Variants in TLR7 observed in about 807,000 individuals in gnomAD.
TLR7 encodes toll-like receptor 7.
A neutral mutation model predicts 38.3 loss-of-function variants in TLR7; 12 were observed. The observed-to-expected ratio is 0.31, with a 90% CI of 0.20 to 0.51. The LOEUF (loss-of-function observed/expected upper bound fraction) is 0.51. TLR7 is among the 20% of genes least tolerant of loss of function. The probability of loss-of-function intolerance (pLI) is 0.98; values close to 1 mark genes in which losing one functional copy is unlikely to be tolerated. For synonymous variants in TLR7, 285 were observed against 293.8 expected, an observed-to-expected ratio of 0.97 and a Z score of 0.31; for missense variants, 504 against 743.4, an observed-to-expected ratio of 0.68 and a Z score of 3.74.
chrX:12,872,521 G>A, intron 2 of TLR7, among the ~76,000 whole-genome samples: 1 of 109,887 alleles, frequency 9.1e-6, no homozygotes, highest in Middle Eastern at 4.6e-3. Flanking sequence ...GGACTCCAAA[G>A]CAAGTGGGTG....
At chrX:12,881,458 C>T in intron 2 of TLR7, among the ~76,000 whole-genome samples, 1 of 104,220 alleles carries the variant, frequency 9.6e-6, no homozygotes, top group Admixed American at 1.0e-4. Flanking sequence ...ATGAGTTATT[C>T]TTTTTAATAA....
At chrX:12,880,586 TG>T (rs1189379515) in intron 2 of TLR7, among the ~76,000 whole-genome samples, 3 of 111,644 alleles carry the variant, frequency 2.7e-5, no homozygotes, top group African/African-American at 9.7e-5. Flanking sequence ...CTGCTTAGTC[TG>T]GGGGTATAGA....
At chrX:12,883,968 A>G (rs1191043905) in intron 2 of TLR7, among the ~76,000 whole-genome samples, 6 of 111,239 alleles carry the variant, frequency 5.4e-5, no homozygotes, top group African/African-American at 2.0e-4. Flanking sequence ...AGAGGAATTA[A>G]GGGAAGTAGG....
intron 2 of TLR7, 40 bp downstream of exon 2, chrX:12,867,621 A>C (rs765562515): frequency 1.4e-5 from 17 of 1,177,510 alleles, no homozygotes; most frequent in Middle Eastern, 2.3e-4. Context: ...TGTTATCTGT[A>C]ATCTTTGTGG....
intron 2 of TLR7, among the ~76,000 whole-genome samples, chrX:12,871,159 T>G (rs775687866): frequency 8.9e-6 from 1 of 112,272 alleles, no homozygotes; most frequent in Admixed American, 9.4e-5. Context: ...ACCTTGTACT[T>G]AAACGTTTTG....
chrX:12,887,404 T>A lies in TLR7; in HGVS notation c.1896T>A (p.Asp632Glu), dbSNP rs746023304. 2.5e-6 allele frequency: 3 copies of A among 1,209,991 alleles called. No individual in the cohort carries two copies. Among genetic ancestry groups the A allele is most frequent in the African/African-American group, 1.7e-5 (1 of 57,822 alleles). Residue 632 changes from aspartate to glutamate, a missense_variant, in exon 3 of 3, where the codon GAT (aspartate) becomes GAA (glutamate). Physicochemically the swap from Asp to Glu is conservative, Grantham distance 45. Transcript: ENST00000380659. ...TGGAATTCAGAGGAAATCACTTAGA[T>A]GTTTTATGGAGAGAAGGTGATAACA... ...RTLEFRGNHL[D>E]VLWREGDNRY...
At chrX:12,870,653 T>C (rs1445784600) in intron 2 of TLR7, among the ~76,000 whole-genome samples, 1 of 111,809 alleles carries the variant, frequency 8.9e-6, no homozygotes, top group Non-Finnish European at 1.9e-5. Flanking sequence ...GCTCATGAGC[T>C]AAGGGGTTTT....
chrX:12,873,607 CAA>C (rs2042860687), intron 2 of TLR7, among the ~76,000 whole-genome samples: 1 of 111,628 alleles, frequency 9.0e-6, no homozygotes, highest in Admixed American at 9.5e-5. Context: ...GATAAAAAGT[CAA>C]AGAGTAGAGA....
At position 12,887,932 on chromosome X, in the gene TLR7, G is replaced by A. The variant is rs1180266079; in HGVS notation, c.2424G>A (p.Leu808=). Reference sequence around the variant, plus strand: ...ATACGGAGGTGACTATTCCTTACCTGGCCACAGATGTGACTTGTGTGGGGC... The same window carrying A: ...ATACGGAGGTGACTATTCCTTACCTAGCCACAGATGTGACTTGTGTGGGGC... The part of the protein sequence containing the change: ...VNHTEVTIPY[L]ATDVTCVGPG... The change falls in exon 3 of 3, where the codon CTG becomes CTA. Residue 808 remains leucine (L), a synonymous_variant. Transcript: ENST00000380659. 1.1e-5 allele frequency: 13 copies of A among 1,211,714 alleles called. No individual in the cohort carries two copies. Among genetic ancestry groups the A allele is most frequent in the Non-Finnish European group, 1.3e-5 (12 of 895,514 alleles).
At position 12,888,100 on chromosome X, in the gene TLR7, C is replaced by G. The variant is rs2042917565; in HGVS notation, c.2592C>G (p.Phe864Leu). Residue 864 changes from phenylalanine to leucine, a missense_variant, in exon 3 of 3, where the codon TTC becomes TTG. Physicochemically the swap from Phe to Leu is conservative, Grantham distance 22. Transcript: ENST00000380659. The stretch of plus-strand genomic sequence containing the variant: ...TGATGACAGCAAGTCACCTCTATTT[C>G]TGGGATGTGTGGTATATTTACCATT... ...MVMMTASHLY[F>L]WDVWYIYHFC... The G allele has an allele frequency of 8.3e-7, 1 of 1,208,976 alleles. No individual in the cohort carries two copies. Among genetic ancestry groups the G allele is most frequent in the Non-Finnish European group, 1.1e-6 (1 of 894,312 alleles).
intron 2 of TLR7, chrX:12,877,640 G>A (rs973711976): frequency 2.7e-5 from 3 of 111,070 alleles, no homozygotes; most frequent in Non-Finnish European, 5.7e-5. Flanking sequence ...CTTCCCACAA[G>A]AGACAAACGA....
At chrX:12,881,706 T>A (rs1389369411) in intron 2 of TLR7, among the ~76,000 whole-genome samples, 3 of 110,496 alleles carry the variant, frequency 2.7e-5, no homozygotes, top group African/African-American at 9.9e-5. Context: ...ATTACATAAT[T>A]TAGGGTACAT....
chrX:12,886,639 C>T lies in TLR7; in HGVS notation c.1131C>T (p.Ile377=), dbSNP rs199700914. ...SSLKSLKILR[I]RGYVFKELKS... ...TGAAAAGCCTGAAAATTCTGCGGAT[C>T]AGAGGATATGTCTTTAAAGAGTTGA... is the stretch of plus-strand genomic sequence containing the variant. Residue 377 remains isoleucine (I), a synonymous_variant, in exon 3 of 3, where the codon ATC becomes ATT. Transcript: ENST00000380659. The T allele has an allele frequency of 3.3e-6, 4 of 1,211,735 alleles. No homozygotes were observed. In the East Asian group the frequency reaches 1.2e-4, roughly 36 times the overall value.
intron 2 of TLR7, among the ~76,000 whole-genome samples, chrX:12,874,902 A>G (rs1342770685): frequency 8.9e-6 from 1 of 112,036 alleles, no homozygotes; most frequent in Non-Finnish European, 1.9e-5. Context: ...ACAAGTTTAC[A>G]AAGTTTTGAA....
At chrX:12,877,871 T>C (rs1283875221) in intron 2 of TLR7, among the ~76,000 whole-genome samples, 1 of 111,571 alleles carries the variant, frequency 9.0e-6, no homozygotes, top group East Asian at 2.8e-4. Flanking sequence ...CAGGGAAAAA[T>C]TCCTTACTAT....
At chrX:12,870,921 C>T (rs796513024) in intron 2 of TLR7, among the ~76,000 whole-genome samples, 11 of 111,665 alleles carry the variant, frequency 9.9e-5, no homozygotes, top group African/African-American at 2.9e-4. Context: ...TACGTCAGGC[C>T]GGGGCTTATA....
rs901549660 is a variant in TLR7, at chrX:12,888,811, G to A, written c.*153G>A. On this transcript the variant is annotated 3_prime_UTR_variant, in exon 3 of 3. Coordinates refer to ENST00000380659, the MANE Select transcript of TLR7 (RefSeq NM_016562.4). ...GGGGAGCCACCAACGTCTGTCACAG[G>A]AGTTGGAAAGATGGGGTTTATATAA... 3.7e-6 allele frequency: 2 copies of A among 541,171 alleles called. No individual in the cohort carries two copies. The highest frequency in any genetic ancestry group is 4.3e-5 in the Admixed American group (1 of 23,523). 44.6% of individuals were successfully genotyped at this position (541,171 alleles called of 1,213,427 possible).
In TLR7 at chrX:12,879,070, T is replaced by C. The variant is rs5743759; in HGVS notation, c.4-6442T>C. On this transcript the variant is annotated intron_variant, in intron 2 of 2. Coordinates refer to ENST00000380659, the MANE Select transcript of TLR7 (RefSeq NM_016562.4). ...CTTCTAGCCCTGCTTGCAGAATGGC[T>C]AACTTCAGTCCTATTTCATTTCTCT... Among the ~76,000 whole-genome samples the C allele has an allele frequency of 7.2e-3, 806 of 112,060 alleles. 10 individuals are homozygous for C. The highest frequency in any genetic ancestry group is 0.025 in the African/African-American group (775 of 30,887).
At chrX:12,875,298 T>G (rs2042866571) in intron 2 of TLR7, among the ~76,000 whole-genome samples, 1 of 111,936 alleles carries the variant, frequency 8.9e-6, no homozygotes. Flanking sequence ...CAGCAGAGTA[T>G]TTGGTTCCTA....
Sources: allele counts gnomAD v4.1 joint callset (sites outside exome capture counted in the v4.1 genomes callset), GRCh38; gene constraint gnomAD v4.1.1; transcripts MANE v1.5; gene names NCBI Gene and HGNC (gene_info 2026-07-23, HGNC 2026-07-21).